The following NEK10 variants were observed in gnomAD, a reference collection of about 807,000 sequenced individuals.
NEK10 encodes serine/threonine-protein kinase Nek10.
NEK10 carries 122 observed loss-of-function variants against 159.8 expected under a neutral mutation model. The observed-to-expected ratio is 0.76, with a 90% CI of 0.66 to 0.89. The LOEUF (loss-of-function observed/expected upper bound fraction) is 0.89. Among genes scored for constraint, NEK10 ranks in the 40% least tolerant of loss-of-function variants. NEK10 has a pLI of 0.00. For missense variants in NEK10, 1,342 were observed against 1,323.1 expected (o/e 1.01, Z -0.22); for synonymous variants, 466 against 457.1 (o/e 1.02, Z -0.25).
At chr3:27,226,062 C>T (rs774870836) in intron 23 of NEK10, among the ~76,000 whole-genome samples, 4 of 152,058 alleles carry the variant, frequency 2.6e-5, no homozygotes, top group African/African-American at 7.2e-5. Context: ...GACGGAGTCT[C>T]GCTCTGTTGC....
intron 25 of NEK10, among the ~76,000 whole-genome samples, chr3:27,193,062 G>C (rs1203556302): frequency 6.6e-6 from 1 of 152,178 alleles, no homozygotes; most frequent in Non-Finnish European, 1.5e-5. Context: ...CATTAAACTG[G>C]TATGGTGTTT....
At chr3:27,251,668 C>T (rs1211287587) in intron 23 of NEK10, among the ~76,000 whole-genome samples, 1 of 152,210 alleles carries the variant, frequency 6.6e-6, no homozygotes, top group Non-Finnish European at 1.5e-5. Flanking sequence ...ATTATCCAGT[C>T]TCAGGTATTT....
chr3:27,200,054 C>T (rs1435383526), intron 25 of NEK10, among the ~76,000 whole-genome samples: 3 of 151,940 alleles, frequency 2.0e-5, no homozygotes, highest in African/African-American at 7.3e-5. Context: ...ACAACAAACC[C>T]CCATGACACA....
chr3:27,301,864 A>T, intron 12 of NEK10, 29 bp from the exon 13 acceptor site: 1 of 1,527,882 alleles, frequency 6.5e-7, no homozygotes, highest in Non-Finnish European at 8.9e-7. Context: ...TGCATAGACC[A>T]TTTATCAATT....
At chr3:27,305,682 C>A (rs929302106) in intron 11 of NEK10, among the ~76,000 whole-genome samples, 1 of 150,992 alleles carries the variant, frequency 6.6e-6, no homozygotes, top group Non-Finnish European at 1.5e-5. Flanking sequence ...TATGTAATTG[C>A]AAAATAAGAC....
intron 3 of NEK10, among the ~76,000 whole-genome samples, chr3:27,350,219 G>T (rs1444432998): frequency 6.6e-6 from 1 of 152,130 alleles, no homozygotes; most frequent in African/African-American, 2.4e-5. Flanking sequence ...TGTTGCCCAT[G>T]TGTATATTTT....
At chr3:27,354,399 AG>A (rs1438338303) in intron 1 of NEK10, among the ~76,000 whole-genome samples, 1 of 152,206 alleles carries the variant, frequency 6.6e-6, no homozygotes, top group Non-Finnish European at 1.5e-5. Context: ...GTGAGCTGGA[AG>A]GCTGAATATA....
At chr3:27,350,864 T>C (rs1447070058) in intron 3 of NEK10, among the ~76,000 whole-genome samples, 3 of 152,184 alleles carry the variant, frequency 2.0e-5, no homozygotes, top group Non-Finnish European at 4.4e-5. Flanking sequence ...TGGTTTTTTT[T>C]GTTTTTTGCC....
intron 13 of NEK10, among the ~76,000 whole-genome samples, chr3:27,300,222 C>T (rs982603048): frequency 1.3e-5 from 2 of 152,136 alleles, no homozygotes; most frequent in Admixed American, 1.3e-4. Flanking sequence ...CTGTGCTGTT[C>T]TCATGATAGT....
intron 22 of NEK10, among the ~76,000 whole-genome samples, chr3:27,271,597 C>G (rs546566573): frequency 6.6e-6 from 1 of 152,210 alleles, no homozygotes; most frequent in Admixed American, 6.5e-5. Context: ...TAGATAATAG[C>G]AGACACTTGG....
intron 34 of NEK10, 23 bp downstream of exon 34, chr3:27,116,052 C>T (rs535004503): frequency 6.2e-7 from 1 of 1,613,038 alleles, no homozygotes; most frequent in Non-Finnish European, 8.5e-7. Flanking sequence ...TAAAATCATT[C>T]AGAGACACTG....
rs548276984 is a variant in NEK10 at position 27,324,564 on chromosome 3, C to T, written c.363-2303G>A. Among the ~76,000 whole-genome samples, 4 of 152,240 alleles carry T rather than the reference C, an allele frequency of 2.6e-5. No homozygotes were observed. In the East Asian group the frequency reaches 7.8e-4, roughly 30 times the overall value. The stretch of plus-strand genomic sequence containing the variant: ...GTCTGCTCTACCTTTAAAATATCTG[C>T]CTCCACAACCTATCCACTTCTCACT... On this transcript the variant is annotated intron_variant, in intron 5 of 35. Coordinates refer to ENST00000691995, the MANE Select transcript of NEK10 (RefSeq NM_001394966.1).
In NEK10 at chr3:27,109,293, T is replaced by A. The variant is rs1211609269; in HGVS notation, c.*1979A>T. On this transcript the variant is annotated 3_prime_UTR_variant, in exon 36 of 36. Coordinates refer to ENST00000691995, the MANE Select transcript of NEK10 (RefSeq NM_001394966.1). ...ACTCGGGAGGCTGAGGCAGGAGAAT[T>A]GCTTGAACCTGGGTGGCGGAGGTTG... Among the ~76,000 whole-genome samples the A allele has an allele frequency of 1.3e-5, 2 of 151,170 alleles. No homozygotes were observed. The highest frequency in any genetic ancestry group is 2.9e-5 in the Non-Finnish European group (2 of 67,872).
At chr3:27,346,314 T>C (rs888688470) in intron 3 of NEK10, 98 bp from the exon 4 acceptor site, 5 of 1,279,268 alleles carry the variant, frequency 3.9e-6, no homozygotes, top group Non-Finnish European at 5.6e-6. Context: ...TGAGATTTTT[T>C]CCAGGCCAAT....
At chr3:27,181,873 T>C (rs1445158052) in intron 26 of NEK10, among the ~76,000 whole-genome samples, 1 of 152,176 alleles carries the variant, frequency 6.6e-6, no homozygotes, top group Non-Finnish European at 1.5e-5. Context: ...TTTTTTAAAA[T>C]GTTGCCAAGA....
chr3:27,177,786 C>T (rs1575119569), intron 26 of NEK10, among the ~76,000 whole-genome samples: 1 of 152,122 alleles, frequency 6.6e-6, no homozygotes, highest in South Asian at 2.1e-4. Flanking sequence ...CAATGCCTTA[C>T]ACATAGCAAA....
At chr3:27,142,091 T>C (rs570219907) in intron 30 of NEK10, among the ~76,000 whole-genome samples, 1 of 152,316 alleles carries the variant, frequency 6.6e-6, no homozygotes, top group East Asian at 1.9e-4. Flanking sequence ...TTCAAACCTT[T>C]GATTATTACA....
chr3:27,172,203 A>G (rs1947058507), intron 28 of NEK10, among the ~76,000 whole-genome samples: 1 of 151,652 alleles, frequency 6.6e-6, no homozygotes. Context: ...GGTGTGGTGG[A>G]GCATGCCTGT....
At chr3:27,207,764 G>A (rs1017189587) in intron 23 of NEK10, among the ~76,000 whole-genome samples, 5 of 152,038 alleles carry the variant, frequency 3.3e-5, no homozygotes, top group African/African-American at 9.7e-5. Context: ...AAAGGAGAAA[G>A]AGAACTAACT....
Sources: gnomAD v4.1 joint callset for allele counts (sites outside exome capture counted in the v4.1 genomes callset) on GRCh38, gnomAD v4.1.1 for gene constraint, MANE v1.5 for transcripts, NCBI Gene and HGNC (gene_info 2026-07-23, HGNC 2026-07-21) for gene names.